The following CACNB2 variants were observed in gnomAD, a reference collection of about 807,000 sequenced individuals.
CACNB2 encodes the protein voltage-dependent L-type calcium channel subunit beta-2.
In CACNB2, 42 loss-of-function variants were observed where a neutral mutation model predicts 73.3. The observed-to-expected ratio is 0.57, with a 90% CI of 0.45 to 0.74. The LOEUF (loss-of-function observed/expected upper bound fraction) is 0.74, where lower values mean the gene tolerates loss of function less well. Among genes scored for constraint, CACNB2 ranks in the 30% least tolerant of loss-of-function variants. CACNB2 has a pLI of 0.00. For synonymous variants in CACNB2, 348 were observed against 310.3 expected (o/e 1.12, Z -1.28); for missense variants, 940 against 853.0 (o/e 1.10, Z -1.27).
At chr10:18,363,457 C>A (rs547381848) in intron 2 of CACNB2, among the ~76,000 whole-genome samples, 51 of 152,286 alleles carry the variant, frequency 3.3e-4, no homozygotes, top group African/African-American at 1.1e-3. Context: ...ATCCTCTGAT[C>A]CTCAGTGCCA....
intron 2 of CACNB2, among the ~76,000 whole-genome samples, chr10:18,305,092 C>A (rs1205671284): frequency 1.3e-5 from 2 of 152,170 alleles, no homozygotes; most frequent in African/African-American, 2.4e-5. Context: ...ATGTTTCCAC[C>A]TTTATCTCAT....
intron 2 of CACNB2, among the ~76,000 whole-genome samples, chr10:18,364,242 C>CA (rs1554801558): frequency 6.6e-6 from 1 of 151,280 alleles, no homozygotes; most frequent in Admixed American, 6.6e-5. Flanking sequence ...GCATGAGCCG[C>CA]GGTGCCTGCC....
chr10:18,367,368 T>C (rs1396321180), intron 2 of CACNB2, among the ~76,000 whole-genome samples: 1 of 152,200 alleles, frequency 6.6e-6, no homozygotes, highest in African/African-American at 2.4e-5. Context: ...TTCACACGTC[T>C]TCTGAAAAGG....
chr10:18,512,320 G>A (rs1374073195), intron 6 of CACNB2, among the ~76,000 whole-genome samples: 1 of 152,092 alleles, frequency 6.6e-6, no homozygotes, highest in Non-Finnish European at 1.5e-5. Flanking sequence ...ATTTCACTCG[G>A]ATATCTTGGG....
At chr10:18,270,936 T>C (rs950546782) in intron 2 of CACNB2, among the ~76,000 whole-genome samples, 1 of 152,232 alleles carries the variant, frequency 6.6e-6, no homozygotes, top group Non-Finnish European at 1.5e-5. Flanking sequence ...AAATTTTTAC[T>C]CTTTCACTAC....
intron 2 of CACNB2, among the ~76,000 whole-genome samples, chr10:18,203,718 T>C (rs1460130779): frequency 6.6e-6 from 1 of 152,200 alleles, no homozygotes; most frequent in Non-Finnish European, 1.5e-5. Flanking sequence ...AATGAACAAG[T>C]AATTGTGTTG....
At chr10:18,442,600 G>A (rs2046466134) in intron 3 of CACNB2, among the ~76,000 whole-genome samples, 2 of 151,594 alleles carry the variant, frequency 1.3e-5, no homozygotes, top group African/African-American at 4.8e-5. Context: ...GCCAAGGAGG[G>A]CAGATCACGA....
chr10:18,165,318 T>G (rs2131116110), intron 2 of CACNB2, among the ~76,000 whole-genome samples: 1 of 152,328 alleles, frequency 6.6e-6, no homozygotes, highest in Admixed American at 6.5e-5. Flanking sequence ...GGCTGGTGGC[T>G]GGCTGAGTCC....
chr10:18,237,960 C>T (rs1273929925), intron 2 of CACNB2, among the ~76,000 whole-genome samples: 2 of 152,180 alleles, frequency 1.3e-5, no homozygotes, highest in South Asian at 4.1e-4. Context: ...TAAAGGCTCC[C>T]ATAGCCTCAC....
In CACNB2 at chr10:18,306,470, C is replaced by T. The variant is rs868542572; in HGVS notation, c.214-95454C>T. 1.2e-4 allele frequency among the ~76,000 whole-genome samples: 18 copies of T among 152,026 alleles called. 1 individual carries two copies. Among genetic ancestry groups the T allele is most frequent in the Admixed American group, 5.9e-4 (9 of 15,236 alleles). On this transcript the variant is annotated intron_variant, in intron 2 of 13. Transcript: ENST00000324631. ...TTTTGAGTAGATTCCATAATGGTTC[C>T]CATCAGCCTTGTTGCAGTAGAAATG...
chr10:18,330,515 G>T, intron 2 of CACNB2, among the ~76,000 whole-genome samples: 1 of 152,064 alleles, frequency 6.6e-6, no homozygotes, highest in Middle Eastern at 3.2e-3. Context: ...AGGTGTAGTG[G>T]TGTGTTCCTG....
intron 7 of CACNB2, among the ~76,000 whole-genome samples, chr10:18,516,169 C>A (rs532094506): frequency 4.5e-4 from 69 of 152,132 alleles, no homozygotes; most frequent in African/African-American, 1.6e-3. Context: ...GAGCCGAGAC[C>A]ATGCCACTGC....
chr10:18,393,531 T>G (rs1431591113), intron 2 of CACNB2, among the ~76,000 whole-genome samples: 1 of 152,218 alleles, frequency 6.6e-6, no homozygotes, highest in Non-Finnish European at 1.5e-5. Context: ...GAAAGTCACA[T>G]GTCTGAACTT....
At chr10:18,503,330 C>G (rs1046348201) in intron 5 of CACNB2, among the ~76,000 whole-genome samples, 2 of 152,150 alleles carry the variant, frequency 1.3e-5, no homozygotes, top group African/African-American at 4.8e-5. Flanking sequence ...AGCACGGTGG[C>G]TCATGCCTGT....
chr10:18,203,860 A>C (rs1379216149), intron 2 of CACNB2, among the ~76,000 whole-genome samples: 2 of 152,184 alleles, frequency 1.3e-5, no homozygotes, highest in African/African-American at 4.8e-5. Context: ...AAATATACTA[A>C]AATTTTTCAC....
At chr10:18,290,119 T>C (rs1391304536) in intron 2 of CACNB2, among the ~76,000 whole-genome samples, 114 of 117,338 alleles carry the variant, frequency 9.7e-4, no homozygotes, top group East Asian at 8.8e-3. Flanking sequence ...TTTCTTTTTT[T>C]TTTTTTTTTT....
At chr10:18,338,738 C>CTTTT (rs553402190) in intron 2 of CACNB2, among the ~76,000 whole-genome samples, 17 of 102,434 alleles carry the variant, frequency 1.7e-4, no homozygotes, top group African/African-American at 2.8e-4. Context: ...TCCTTCTTTC[C>CTTTT]TTTTTTTTTT....
chr10:18,145,213 C>T (rs1337730721), intron 1 of CACNB2, among the ~76,000 whole-genome samples: 1 of 152,206 alleles, frequency 6.6e-6, no homozygotes, highest in African/African-American at 2.4e-5. Context: ...ATGGCTGTAG[C>T]AAGGAGCTTT....
intron 2 of CACNB2, among the ~76,000 whole-genome samples, chr10:18,354,304 C>T (rs1230556887): frequency 6.6e-6 from 1 of 152,108 alleles, no homozygotes; most frequent in Non-Finnish European, 1.5e-5. Flanking sequence ...AACTGCTTGC[C>T]TGTCTTGGGA....
Sources: allele counts gnomAD v4.1 joint callset (sites outside exome capture counted in the v4.1 genomes callset), GRCh38; gene constraint gnomAD v4.1.1; transcripts MANE v1.5; gene names NCBI Gene and HGNC (gene_info 2026-07-23, HGNC 2026-07-21).